The following CHD6 variants were observed in gnomAD, a reference collection of about 807,000 sequenced individuals.
The protein encoded by CHD6 is chromodomain helicase DNA binding protein 6.
In CHD6, 50 loss-of-function variants were observed where a neutral mutation model predicts 276.9. The ratio of observed to expected loss-of-function variants is 0.18; its 90% CI spans 0.14 to 0.23. CHD6 has a LOEUF of 0.23. Ranked by LOEUF, CHD6 falls within the 10% of genes least tolerant of loss-of-function variation. The pLI, the probability that CHD6 is intolerant of heterozygous loss-of-function variation, is 1.00. For synonymous variants in CHD6, 1,173 were observed against 1,229.3 expected (o/e 0.95, Z 0.96); for missense variants, 2,564 against 3,365.8 (o/e 0.76, Z 5.89).
chr20:41,435,057 A>G (rs1362916395), intron 27 of CHD6, among the ~76,000 whole-genome samples: 2 of 152,258 alleles, frequency 1.3e-5, no homozygotes, highest in Non-Finnish European at 2.9e-5. Context: ...CTAGAGATCA[A>G]TAACAGCAAG....
intron 2 of CHD6, among the ~76,000 whole-genome samples, chr20:41,550,120 C>T (rs895774269): frequency 1.3e-5 from 2 of 152,178 alleles, no homozygotes; most frequent in Non-Finnish European, 2.9e-5. Flanking sequence ...TTCTTTTTAA[C>T]AGCAGCATAA....
chr20:41,467,500 T>C (rs1353584489), intron 17 of CHD6, among the ~76,000 whole-genome samples: 1 of 151,560 alleles, frequency 6.6e-6, no homozygotes, highest in African/African-American at 2.4e-5. Flanking sequence ...TCTTCTTTAT[T>C]TTTTAATACA....
Position 41,455,980 on chromosome 20 carries a change from C to G in CHD6, c.2830-1G>C. The G allele has an allele frequency of 6.5e-7, 1 of 1,534,772 alleles. No individual in the cohort carries two copies. The highest frequency in any genetic ancestry group is 8.8e-7 in the Non-Finnish European group (1 of 1,141,762). On this transcript the variant is annotated splice_acceptor_variant, in intron 18 of 36. Transcript: ENST00000373233. LOFTEE classifies it high-confidence loss of function. ...CCTCCATTTTTGAGAGCTGCTGTAC[C>G]TGGACAGGTCACCAAAGGCTACTCA...
At chr20:41,555,540 C>T (rs2045219156) in intron 1 of CHD6, among the ~76,000 whole-genome samples, 1 of 148,984 alleles carries the variant, frequency 6.7e-6, no homozygotes, top group Admixed American at 6.7e-5. Flanking sequence ...TCAGATGGGG[C>T]GGTTGCCAGG....
At chr20:41,505,268 A>T (rs1321413400) in intron 5 of CHD6, among the ~76,000 whole-genome samples, 2 of 152,296 alleles carry the variant, frequency 1.3e-5, no homozygotes, top group Non-Finnish European at 2.9e-5. Context: ...AGTACCACGC[A>T]ACTATGAAAT....
intron 17 of CHD6, among the ~76,000 whole-genome samples, chr20:41,469,720 T>C (rs1346495639): frequency 6.6e-6 from 1 of 152,200 alleles, no homozygotes; most frequent in Non-Finnish European, 1.5e-5. Context: ...TTGATGCGAA[T>C]ACAGACATAT....
At chr20:41,457,497 G>C in intron 17 of CHD6, 69 bp from the exon 18 acceptor site, 1 of 1,538,808 alleles carries the variant, frequency 6.5e-7, no homozygotes, top group Non-Finnish European at 8.9e-7. Flanking sequence ...TGGGAATAGG[G>C]GAGTGCTTAA....
intron 5 of CHD6, among the ~76,000 whole-genome samples, chr20:41,506,867 A>G (rs988952441): frequency 6.6e-6 from 1 of 152,236 alleles, no homozygotes; most frequent in Non-Finnish European, 1.5e-5. Context: ...TAGGTGCTCA[A>G]TAAATACTTC....
chr20:41,556,307 C>CGGGAGAGGGAGAGGGAGA lies in CHD6; in HGVS notation c.-23-4948_-23-4947insTCTCCCTCTCCCTCTCCC, dbSNP rs11280735. On this transcript the variant is annotated intron_variant, in intron 1 of 36. Transcript: ENST00000373233. ...GAGGGAGAGGGAGACCGTGGGGAGA[C>CGGGAGAGGGAGAGGGAGA]GGGAGAGGGAGAGGGCACCTTTTTT... Among the ~76,000 whole-genome samples the CGGGAGAGGGAGAGGGAGA allele has an allele frequency of 1.8e-5, 2 of 108,904 alleles. 1 individual carries two copies. Among genetic ancestry groups the CGGGAGAGGGAGAGGGAGA allele is most frequent in the African/African-American group, 7.9e-5 (2 of 25,282 alleles). 71.4% of individuals were successfully genotyped at this position (108,904 alleles called of 152,430 possible). A position where few individuals can be genotyped will look rare whatever the true frequency, so the allele number is the denominator to read the frequency against.
chr20:41,476,052 CCT>C (rs1301167151), intron 16 of CHD6, among the ~76,000 whole-genome samples: 2 of 152,214 alleles, frequency 1.3e-5, no homozygotes, highest in East Asian at 1.9e-4. Flanking sequence ...TGAGCCAGAT[CCT>C]CTGGCCATGC....
rs368194677 is a variant in CHD6 at position 41,451,905 on chromosome 20, G to T, written c.3444C>A (p.Asp1148Glu). Residue 1148 changes from aspartate (D) to glutamate (E), a missense_variant, in exon 22 of 37, where the codon GAC becomes GAA. By Grantham distance (45) the Asp-to-Glu change is conservative (BLOSUM62 2). Transcript: ENST00000373233. ...CCCAAATGAAACTCTTGATCTTCTC[G>T]TCCCCCTTATAATGCTTGACACAGT... ...LVYCVKHYKG[D>E]EKIKSFIWEL... The T allele has an allele frequency of 6.2e-7, 1 of 1,614,006 alleles. No individual in the cohort carries two copies. Among genetic ancestry groups the T allele is most frequent in the Non-Finnish European group, 8.5e-7 (1 of 1,179,970 alleles).
chr20:41,489,330 T>C (rs1227432531), intron 12 of CHD6, among the ~76,000 whole-genome samples: 1 of 152,032 alleles, frequency 6.6e-6, no homozygotes, highest in Non-Finnish European at 1.5e-5. Context: ...AAAGAGAAAA[T>C]GTTGCTGTTG....
rs182385571 is a variant in CHD6 at position 41,493,689 on chromosome 20, A to G, written c.1180-17T>C. The G allele has an allele frequency of 1.9e-6, 3 of 1,612,868 alleles. No homozygotes were observed. The highest frequency in any genetic ancestry group is 1.1e-5 in the South Asian group (1 of 90,860). ...TGTTACCTCCTGGTGGGAAAACAGGAAAGAAACTTAATGTTCTATTAGGTT... is the reference window on the plus strand; with the variant it reads ...TGTTACCTCCTGGTGGGAAAACAGGGAAGAAACTTAATGTTCTATTAGGTT... On this transcript the variant is annotated splice_polypyrimidine_tract_variant and intron_variant, in intron 9 of 36. Transcript: ENST00000373233.
chr20:41,506,760 T>A (rs1189070517), intron 5 of CHD6, among the ~76,000 whole-genome samples: 1 of 152,216 alleles, frequency 6.6e-6, no homozygotes, highest in Non-Finnish European at 1.5e-5. Context: ...AGAGACCAGT[T>A]GTGAATTTGT....
At chr20:41,599,735 C>T (rs2045755005) in intron 1 of CHD6, among the ~76,000 whole-genome samples, 1 of 152,220 alleles carries the variant, frequency 6.6e-6, no homozygotes, top group Admixed American at 6.5e-5. Flanking sequence ...GTACACAGCC[C>T]TTCCTGCTTA....
At chr20:41,472,749 A>G (rs2294567) in intron 17 of CHD6, among the ~76,000 whole-genome samples, 69,254 of 152,096 alleles carry the variant, frequency 0.46, 18,795 homozygotes, top group African/African-American at 0.75. Context: ...CAATCTTTGC[A>G]GTAATCTTTT....
chr20:41,508,072 A>G (rs1007564110), intron 5 of CHD6, among the ~76,000 whole-genome samples: 3 of 152,238 alleles, frequency 2.0e-5, no homozygotes, highest in Admixed American at 6.5e-5. Flanking sequence ...CTACAGTCCA[A>G]TGAGAATTCA....
chr20:41,537,898 G>A lies in CHD6; in HGVS notation c.34-4328C>T, dbSNP rs972336584. 2.6e-5 allele frequency among the ~76,000 whole-genome samples: 4 copies of A among 152,026 alleles called. No homozygotes were observed. In the East Asian group the frequency reaches 7.7e-4, roughly 29 times the overall value. On this transcript the variant is annotated intron_variant, in intron 2 of 36. Coordinates refer to ENST00000373233, the MANE Select transcript of CHD6 (RefSeq NM_032221.5). ...ATACACACACACACACATATACACA[G>A]AATTGAAAACAGGTGTTTAAACAAA...
chr20:41,534,168 C>G lies in CHD6; in HGVS notation c.34-598G>C, dbSNP rs58264708. Among the ~76,000 whole-genome samples, 37 of 152,272 alleles carry G rather than the reference C, an allele frequency of 2.4e-4. No individual in the cohort carries two copies. The East Asian group carries it at 7.1e-3, about 29-fold the overall frequency. ...AGCTAAGGTTGGTGATAGTCGGTAACAATGTGGGTGTTAGTTTCAAGGAAC... is the reference window on the plus strand; with the variant it reads ...AGCTAAGGTTGGTGATAGTCGGTAAGAATGTGGGTGTTAGTTTCAAGGAAC... On this transcript the variant is annotated intron_variant, in intron 2 of 36. Coordinates refer to ENST00000373233, the MANE Select transcript of CHD6 (RefSeq NM_032221.5).
Sources: gnomAD v4.1 joint callset for allele counts (sites outside exome capture counted in the v4.1 genomes callset) on GRCh38, gnomAD v4.1.1 for gene constraint, MANE v1.5 for transcripts, NCBI Gene and HGNC (gene_info 2026-07-23, HGNC 2026-07-21) for gene names.